PRMT8: variants seen among roughly 807,000 people sequenced by gnomAD.
PRMT8 encodes the protein protein arginine N-methyltransferase 8.
A neutral mutation model predicts 47.1 loss-of-function variants in PRMT8; 7 were observed. That is an observed-to-expected ratio of 0.15 (90% CI 0.08 to 0.28). The LOEUF is 0.28. PRMT8 is among the 10% of genes least tolerant of loss of function. The pLI is 1.00. For missense variants in PRMT8, 237 were observed against 505.4 expected (o/e 0.47, Z 5.09); for synonymous variants, 188 against 186.5 (o/e 1.01, Z -0.07).
At chr12:3,473,280 C>T (rs1040177493) in intron 1 of PRMT8, among the ~76,000 whole-genome samples, 6 of 152,130 alleles carry the variant, frequency 3.9e-5, no homozygotes, top group African/African-American at 9.7e-5. Flanking sequence ...ACCTTTGGAT[C>T]ATAAAGCCCA....
At chr12:3,387,542 G>A (rs1214313298) in intron 1 of PRMT8, among the ~76,000 whole-genome samples, 3 of 152,112 alleles carry the variant, frequency 2.0e-5, no homozygotes, top group Non-Finnish European at 4.4e-5. Context: ...ACACTGAGAG[G>A]TGGGCATAAA....
chr12:3,387,029 G>A lies in PRMT8; in HGVS notation c.48+5587G>A, dbSNP rs1591535131. Among the ~76,000 whole-genome samples the A allele has an allele frequency of 5.9e-5, 9 of 152,208 alleles. No homozygotes were observed. The South Asian group carries it at 1.7e-3, about 28-fold the overall frequency. The stretch of plus-strand genomic sequence containing the variant: ...GGCCTAATTTCTTGATTATGTGTTT[G>A]TTTCCTCCAATAGGCTATGAGCCCT... On this transcript the variant is annotated intron_variant, in intron 1 of 9. Coordinates refer to the PRMT8 transcript ENST00000452611.
chr12:3,424,416 A>G (rs1864579214), intron 1 of PRMT8, among the ~76,000 whole-genome samples: 1 of 152,192 alleles, frequency 6.6e-6, no homozygotes, highest in African/African-American at 2.4e-5. Context: ...ATTTTTACAG[A>G]GTCCTAATTC....
intron 1 of PRMT8, among the ~76,000 whole-genome samples, chr12:3,455,072 G>C (rs142626947): frequency 2.0e-5 from 3 of 152,254 alleles, no homozygotes; most frequent in East Asian, 3.9e-4. Flanking sequence ...CTCCAGCCCA[G>C]AAATCCTGGG....
At position 3,447,863 on chromosome 12, in the gene PRMT8, G is replaced by A. The variant is rs562342889; in HGVS notation, c.48+66421G>A. On this transcript the variant is annotated intron_variant, in intron 1 of 9. Coordinates refer to the PRMT8 transcript ENST00000452611. ...TCTTTTCTTAAGGAGAAAACTACAT[G>A]TACTTGGGCACACCTGCCATGCTTC... Among the ~76,000 whole-genome samples, 14 of 152,268 alleles carry A rather than the reference G, an allele frequency of 9.2e-5. No individual in the cohort carries two copies. The South Asian group carries it at 2.9e-3, about 32-fold the overall frequency.
intron 1 of PRMT8, among the ~76,000 whole-genome samples, chr12:3,517,100 C>T (rs1024901413): frequency 2.0e-5 from 3 of 152,260 alleles, no homozygotes; most frequent in Non-Finnish European, 2.9e-5. Context: ...AAATTGTAAC[C>T]CCATAGTACC....
intron 1 of PRMT8, among the ~76,000 whole-genome samples, chr12:3,433,748 G>A (rs1030877437): frequency 3.9e-5 from 6 of 152,206 alleles, no homozygotes; most frequent in Middle Eastern, 3.4e-3. Context: ...ACTAGCTGGG[G>A]CTACAGGTGC....
At position 3,400,371 on chromosome 12, in the gene PRMT8, A is replaced by G. The variant is rs528482749; in HGVS notation, c.48+18929A>G. On this transcript the variant is annotated intron_variant, in intron 1 of 9. Coordinates refer to the PRMT8 transcript ENST00000452611. ...CAGAAATACAAACAACCATCAGAAAATATAAATACCTCTATGCACATAAAC... is the reference window on the plus strand; with the variant it reads ...CAGAAATACAAACAACCATCAGAAAGTATAAATACCTCTATGCACATAAAC... 1.6e-4 allele frequency among the ~76,000 whole-genome samples: 25 copies of G among 152,078 alleles called. No homozygotes were observed. In the East Asian group the frequency reaches 4.7e-3, roughly 28 times the overall value.
intron 1 of PRMT8, among the ~76,000 whole-genome samples, chr12:3,446,702 T>A (rs1446655899): frequency 6.6e-6 from 1 of 152,198 alleles, no homozygotes; most frequent in African/African-American, 2.4e-5. Context: ...TGCCGGAGTG[T>A]CTTTTGGGTC....
At chr12:3,588,611 C>T (rs186026566) in intron 8 of PRMT8, among the ~76,000 whole-genome samples, 7 of 152,304 alleles carry the variant, frequency 4.6e-5, no homozygotes, top group Non-Finnish European at 1.0e-4. Flanking sequence ...TACAGCCATA[C>T]CCGGCCTGTG....
chr12:3,577,162 A>G, intron 7 of PRMT8, among the ~76,000 whole-genome samples, 176 bp downstream of exon 7: 1 of 152,194 alleles, frequency 6.6e-6, no homozygotes, highest in Non-Finnish European at 1.5e-5. Flanking sequence ...GCCTGGACAC[A>G]GCCACTGAGA....
chr12:3,444,735 A>G (rs1864838737), intron 1 of PRMT8, among the ~76,000 whole-genome samples: 1 of 152,262 alleles, frequency 6.6e-6, no homozygotes, highest in Non-Finnish European at 1.5e-5. Flanking sequence ...TCAAACAAGG[A>G]GAAAACCCAG....
intron 1 of PRMT8, among the ~76,000 whole-genome samples, chr12:3,466,496 A>G (rs1385691517): frequency 6.6e-6 from 1 of 152,194 alleles, no homozygotes; most frequent in Non-Finnish European, 1.5e-5. Context: ...TTTCTGAAAA[A>G]TAATGAGTCA....
At chr12:3,429,204 G>A (rs757723782) in intron 1 of PRMT8, among the ~76,000 whole-genome samples, 3 of 152,112 alleles carry the variant, frequency 2.0e-5, no homozygotes, top group Admixed American at 1.3e-4. Context: ...AACTGGTCTG[G>A]GTGCCCTGGC....
intron 4 of PRMT8, among the ~76,000 whole-genome samples, chr12:3,562,567 G>A (rs1043869299): frequency 2.6e-5 from 4 of 152,176 alleles, no homozygotes; most frequent in African/African-American, 4.8e-5. Context: ...TTCCAATTGG[G>A]TGGTTGCAGG....
At chr12:3,431,407 C>T (rs570821527) in intron 1 of PRMT8, among the ~76,000 whole-genome samples, 1 of 152,142 alleles carries the variant, frequency 6.6e-6, no homozygotes, top group African/African-American at 2.4e-5. Flanking sequence ...TGCAGAATGA[C>T]TTCCAGAAGG....
chr12:3,528,702 A>G (rs1002935410), intron 1 of PRMT8, among the ~76,000 whole-genome samples: 6 of 151,908 alleles, frequency 3.9e-5, no homozygotes, highest in Non-Finnish European at 2.9e-5. Flanking sequence ...TTGCAAGCCT[A>G]GTAATTTTTG....
chr12:3,496,212 A>ATTTTTTTTTTTTTTTTT (rs1444249290), intron 1 of PRMT8, among the ~76,000 whole-genome samples: 7 of 19,390 alleles, frequency 3.6e-4, no homozygotes, highest in Non-Finnish European at 5.7e-4. Flanking sequence ...ATATATATAT[A>ATTTTTTTTTTTTTTTTT]TATTTTTTTT....
intron 2 of PRMT8, among the ~76,000 whole-genome samples, chr12:3,544,141 G>A (rs4766137): frequency 0.85 from 129,799 of 152,252 alleles, 55,484 homozygotes; most frequent in East Asian, 0.97. Flanking sequence ...CAGGACACAA[G>A]TGAATCCACA....
Sources: gnomAD v4.1 joint callset for allele counts (sites outside exome capture counted in the v4.1 genomes callset) on GRCh38, gnomAD v4.1.1 for gene constraint, MANE v1.5 for transcripts, NCBI Gene and HGNC (gene_info 2026-07-23, HGNC 2026-07-21) for gene names.